Variants in ANKRD44 observed in about 807,000 individuals in gnomAD.
The protein encoded by ANKRD44 is serine/threonine-protein phosphatase 6 regulatory ankyrin repeat subunit B.
ANKRD44 carries 35 observed loss-of-function variants against 116.0 expected under a neutral mutation model. The observed-to-expected ratio is 0.30, with a 90% CI of 0.23 to 0.40. The LOEUF (loss-of-function observed/expected upper bound fraction) is 0.40. Among genes scored for constraint, ANKRD44 ranks in the 10% least tolerant of loss-of-function variants. The pLI is 1.00. For missense variants in ANKRD44, 1,014 were observed against 1,242.6 expected, an observed-to-expected ratio of 0.82 and a Z score of 2.77; for synonymous variants, 435 against 461.8, an observed-to-expected ratio of 0.94 and a Z score of 0.74.
intron 1 of ANKRD44, among the ~76,000 whole-genome samples, chr2:197,261,566 AAAAT>A (rs934014660): frequency 4.6e-5 from 7 of 152,104 alleles, no homozygotes; most frequent in Non-Finnish European, 8.8e-5. Flanking sequence ...TTAAAAAAAA[AAAAT>A]GTTTCTTTTC....
At chr2:197,180,275 G>A (rs551591181) in intron 2 of ANKRD44, among the ~76,000 whole-genome samples, 3 of 152,308 alleles carry the variant, frequency 2.0e-5, no homozygotes, top group East Asian at 3.9e-4. Flanking sequence ...TTTGGCCCAC[G>A]GATGTGTTTT....
rs185140940 is a variant in ANKRD44 at position 197,085,562 on chromosome 2, A to C, written c.1316+1118T>G. Among the ~76,000 whole-genome samples, 4 of 152,240 alleles carry C rather than the reference A, an allele frequency of 2.6e-5. No individual in the cohort carries two copies. In the East Asian group the frequency reaches 7.7e-4, roughly 29 times the overall value. On this transcript the variant is annotated intron_variant, in intron 13 of 27. Transcript: ENST00000282272. ...CCGGTCAAAACCCACCAAAACCAAG[A>C]AGGCAACAGGAATGACCTCTGGTCA...
chr2:196,979,723 C>T (rs562423967), intron 21 of ANKRD44, among the ~76,000 whole-genome samples: 52 of 151,780 alleles, frequency 3.4e-4, no homozygotes, highest in Non-Finnish European at 6.6e-4. Context: ...CCACCACACC[C>T]GGCTAATTTT....
chr2:197,162,777 C>T (rs2079999495), intron 2 of ANKRD44, among the ~76,000 whole-genome samples: 1 of 152,204 alleles, frequency 6.6e-6, no homozygotes, highest in Non-Finnish European at 1.5e-5. Flanking sequence ...CCTAACTGGG[C>T]TATGGGTACA....
intron 4 of ANKRD44, among the ~76,000 whole-genome samples, chr2:197,128,368 T>C (rs536257052): frequency 6.6e-6 from 1 of 152,374 alleles, no homozygotes; most frequent in South Asian, 2.1e-4. Context: ...ATTGTGGTTT[T>C]GATTTGCATT....
Position 197,136,613 on chromosome 2 carries a change from C to T in ANKRD44, c.240G>A (p.Arg80=). 2.5e-6 allele frequency: 4 copies of T among 1,614,114 alleles called. No homozygotes were observed. Among genetic ancestry groups the T allele is most frequent in the Non-Finnish European group, 3.4e-6 (4 of 1,180,016 alleles). The stretch of plus-strand genomic sequence containing the variant: ...TCACTTCACTTCTGGAAGCAACAGC[C>T]CGGTGCAGTGGAGTCAGCCACATGT... The part of the protein sequence containing the change: ...KDNMWLTPLH[R]AVASRSEEAV... The change falls in exon 4 of 28, where the codon CGG becomes CGA. Residue 80 remains arginine, a synonymous_variant. Coordinates refer to ENST00000282272, the MANE Select transcript of ANKRD44 (RefSeq NM_001195144.2).
At chr2:197,071,860 T>C (rs2125099355) in intron 16 of ANKRD44, among the ~76,000 whole-genome samples, 1 of 152,338 alleles carries the variant, frequency 6.6e-6, no homozygotes, top group Middle Eastern at 3.4e-3. Flanking sequence ...TTCACATATA[T>C]TGTAGCTCTG....
chr2:196,982,108 T>TTTTATATATATATATATATATATATATA (rs150861089), downstream of ANKRD44, among the ~76,000 whole-genome samples: 1,408 of 96,216 alleles, frequency 0.015, 102 homozygotes, highest in Middle Eastern at 0.024. Context: ...CTAAAAAAAA[T>TTTTATATATATATATATATATATATATA]TATATATATA....
chr2:197,250,481 C>CCT (rs34815325), intron 1 of ANKRD44, among the ~76,000 whole-genome samples: 2,242 of 152,216 alleles, frequency 0.015, 16 homozygotes, highest in Non-Finnish European at 0.019. Context: ...TCATTCATCC[C>CCT]GAGGCTGGCC....
At chr2:197,310,431 C>T (rs1225027258) in intron 1 of ANKRD44, 147 bp downstream of exon 1, 3 of 407,704 alleles carry the variant, frequency 7.4e-6, no homozygotes, top group Non-Finnish European at 9.9e-6. Flanking sequence ...CGCGGGCTCT[C>T]GGAGGCACCG....
intron 19 of ANKRD44, among the ~76,000 whole-genome samples, chr2:197,008,265 C>A (rs1357301883): frequency 6.6e-6 from 1 of 152,160 alleles, no homozygotes; most frequent in Non-Finnish European, 1.5e-5. Flanking sequence ...GCCCCTCTTG[C>A]TTCCATCAGA....
intron 4 of ANKRD44, chr2:197,134,476 T>C (rs920611022): frequency 6.6e-6 from 1 of 152,170 alleles, no homozygotes; most frequent in African/African-American, 2.4e-5. Context: ...AGTCCATCAT[T>C]AGGCTGACTG....
rs1410823692 is a variant in ANKRD44, at chr2:197,121,555, G to C, written c.694-11C>G. 6.2e-7 allele frequency: 1 copy of C among 1,611,374 alleles called. No individual in the cohort carries two copies. The highest frequency in any genetic ancestry group is 2.2e-5 in the East Asian group (1 of 44,850). On this transcript the variant is annotated splice_polypyrimidine_tract_variant and intron_variant, in intron 7 of 27. Coordinates refer to ENST00000282272, the MANE Select transcript of ANKRD44 (RefSeq NM_001195144.2). The stretch of plus-strand genomic sequence containing the variant: ...ATTGATTTCATCAATCTGCAAAAGA[G>C]TCCAACACAGGGTGATTAAAGTCAT...
chr2:197,128,781 TAA>T (rs1266581238), intron 4 of ANKRD44, among the ~76,000 whole-genome samples: 4 of 152,212 alleles, frequency 2.6e-5, no homozygotes, highest in Admixed American at 2.6e-4. Context: ...GTTTTACATT[TAA>T]GTCTTTAATC....
chr2:197,131,428 T>A (rs2079093594), intron 4 of ANKRD44, among the ~76,000 whole-genome samples: 1 of 152,064 alleles, frequency 6.6e-6, no homozygotes, highest in Non-Finnish European at 1.5e-5. Context: ...CCTGACCTCG[T>A]GATCCGCCCG....
At chr2:197,176,291 C>T (rs58178744) in intron 2 of ANKRD44, among the ~76,000 whole-genome samples, 9,806 of 152,210 alleles carry the variant, frequency 0.064, 1,060 homozygotes, top group African/African-American at 0.22. Flanking sequence ...CTGAAAACTA[C>T]GGTTTTGCTG....
chr2:197,041,821 A>C (rs2076917105), intron 16 of ANKRD44, among the ~76,000 whole-genome samples: 1 of 152,224 alleles, frequency 6.6e-6, no homozygotes, highest in Admixed American at 6.5e-5. Context: ...CCACAGAAGA[A>C]AATGAAATAC....
In ANKRD44 at chr2:197,009,111, G is replaced by C. The variant is rs962236672; in HGVS notation, c.1925-80C>G. The C allele has an allele frequency of 3.3e-6, 4 of 1,199,394 alleles. No individual in the cohort carries two copies. In the African/African-American group the frequency reaches 6.0e-5, roughly 18 times the overall value. 74.3% of individuals were successfully genotyped at this position (1,199,394 alleles called of 1,614,324 possible). A position where few individuals can be genotyped will look rare whatever the true frequency, so the allele number is the denominator to read the frequency against. ...TTCCAAATGACTTTTTCTTTTTTTT[G>C]AGATGGAGTCTTGCTCTGTCGCCAG... On this transcript the variant is annotated intron_variant, in intron 18 of 27. Transcript: ENST00000282272.
intron 17 of ANKRD44, chr2:197,015,569 AC>A: frequency 3.9e-6 from 2 of 518,846 alleles, no homozygotes; most frequent in Non-Finnish European, 3.6e-6. Flanking sequence ...GGTAGAGGAA[AC>A]TTTGGAGATG....
Sources: gnomAD v4.1 joint callset for allele counts (sites outside exome capture counted in the v4.1 genomes callset) on GRCh38, gnomAD v4.1.1 for gene constraint, MANE v1.5 for transcripts, NCBI Gene and HGNC (gene_info 2026-07-23, HGNC 2026-07-21) for gene names.